HPSE2: variants seen among roughly 807,000 people sequenced by gnomAD.
The protein encoded by HPSE2 is inactive heparanase-2.
Under a neutral mutation model 60.5 loss-of-function variants are expected in HPSE2, and 38 were observed. The ratio of observed to expected loss-of-function variants is 0.63; its 90% CI spans 0.48 to 0.82. HPSE2 has a LOEUF of 0.82. Among genes scored for constraint, HPSE2 ranks in the 40% least tolerant of loss-of-function variants. The pLI, the probability that HPSE2 is intolerant of heterozygous loss-of-function variation, is 0.00. For missense variants in HPSE2, 713 were observed against 740.4 expected (o/e 0.96, Z 0.43); for synonymous variants, 295 against 293.2 (o/e 1.01, Z -0.06).
At chr10:99,310,867 G>T in the HPSE2 span, among the ~76,000 whole-genome samples, 1 of 152,122 alleles carries the variant, frequency 6.6e-6, no homozygotes, top group African/African-American at 2.4e-5. Context: ...GACCTCAAGT[G>T]ATCTGTCTGC....
At chr10:98,874,041 C>G (rs1337407481) in intron 3 of HPSE2, among the ~76,000 whole-genome samples, 2 of 152,002 alleles carry the variant, frequency 1.3e-5, no homozygotes, top group Non-Finnish European at 2.9e-5. Context: ...ATATCCTTTG[C>G]CTACTTTTTG....
At chr10:98,876,487 T>C (rs543061198) in intron 3 of HPSE2, among the ~76,000 whole-genome samples, 5 of 152,040 alleles carry the variant, frequency 3.3e-5, no homozygotes, top group African/African-American at 1.2e-4. Context: ...TCCATAAATA[T>C]TTGTTGAATG....
At chr10:99,094,500 CTCTT>C (rs1280541687) in intron 3 of HPSE2, among the ~76,000 whole-genome samples, 3 of 106,518 alleles carry the variant, frequency 2.8e-5, no homozygotes, top group African/African-American at 3.8e-5. Flanking sequence ...CAGTTATTCT[CTCTT>C]TTTTATCATT....
chr10:98,724,363 C>A (rs1469874025), intron 4 of HPSE2, among the ~76,000 whole-genome samples: 1 of 152,246 alleles, frequency 6.6e-6, no homozygotes, highest in Admixed American at 6.5e-5. Flanking sequence ...TTGACATTTG[C>A]TGAGGAGTGT....
the HPSE2 span, among the ~76,000 whole-genome samples, chr10:99,277,098 A>G: frequency 2.0e-5 from 3 of 152,212 alleles, no homozygotes; most frequent in Non-Finnish European, 4.4e-5. Context: ...GAAACTACTT[A>G]AGGCAGACAT....
chr10:98,769,172 G>A (rs1017242161), intron 3 of HPSE2, among the ~76,000 whole-genome samples: 1 of 152,178 alleles, frequency 6.6e-6, no homozygotes, highest in Admixed American at 6.6e-5. Context: ...TTGAAGAAAT[G>A]TAGGAGACCA....
intron 3 of HPSE2, among the ~76,000 whole-genome samples, chr10:98,885,443 G>A (rs992459485): frequency 6.6e-6 from 1 of 152,036 alleles, no homozygotes; most frequent in African/African-American, 2.4e-5. Flanking sequence ...TTCTACTGTG[G>A]GTAAAATGCT....
intron 3 of HPSE2, among the ~76,000 whole-genome samples, chr10:98,851,630 C>T (rs1315601328): frequency 6.6e-6 from 1 of 152,136 alleles, no homozygotes; most frequent in African/African-American, 2.4e-5. Context: ...TTGAGGGAAT[C>T]TTCCTTAAAA....
At chr10:98,634,417 A>G (rs1309005606) in intron 7 of HPSE2, among the ~76,000 whole-genome samples, 1 of 152,106 alleles carries the variant, frequency 6.6e-6, no homozygotes, top group Non-Finnish European at 1.5e-5. Context: ...ATGTGTTTTC[A>G]TTTTCCAGTT....
intron 3 of HPSE2, among the ~76,000 whole-genome samples, chr10:99,125,628 C>CA (rs1427402677): frequency 6.6e-6 from 1 of 152,164 alleles, no homozygotes; most frequent in Non-Finnish European, 1.5e-5. Flanking sequence ...CCATCACAGG[C>CA]AAAAAACTGT....
intron 7 of HPSE2, among the ~76,000 whole-genome samples, chr10:98,638,033 G>A (rs977465901): frequency 3.3e-5 from 5 of 151,054 alleles, no homozygotes; most frequent in African/African-American, 7.3e-5. Flanking sequence ...CCAGCTACCC[G>A]GGAAGCTGAG....
chr10:99,083,782 C>T (rs1843223668), intron 3 of HPSE2, among the ~76,000 whole-genome samples: 1 of 151,902 alleles, frequency 6.6e-6, no homozygotes, highest in African/African-American at 2.4e-5. Context: ...AGTTTCTTTT[C>T]CTCCAACAAA....
chr10:98,519,200 C>T (rs1014610128), intron 9 of HPSE2, among the ~76,000 whole-genome samples: 6 of 152,208 alleles, frequency 3.9e-5, no homozygotes, highest in African/African-American at 1.4e-4. Flanking sequence ...TCATCATCAT[C>T]ATCATTCATT....
intron 3 of HPSE2, among the ~76,000 whole-genome samples, chr10:98,838,181 G>C (rs1028679349): frequency 1.3e-5 from 2 of 152,054 alleles, no homozygotes; most frequent in Non-Finnish European, 2.9e-5. Context: ...TGTGACTTGT[G>C]AATCAGGCAG....
At chr10:98,863,710 C>CATAA (rs1317832346) in intron 3 of HPSE2, among the ~76,000 whole-genome samples, 6 of 152,142 alleles carry the variant, frequency 3.9e-5, no homozygotes, top group Admixed American at 3.9e-4. Flanking sequence ...CCCTAACTGT[C>CATAA]ATTTATAAGT....
intron 11 of HPSE2, among the ~76,000 whole-genome samples, chr10:98,466,455 T>C (rs1186210637): frequency 6.6e-6 from 1 of 151,670 alleles, no homozygotes; most frequent in Admixed American, 6.6e-5. Context: ...CTACTAAAAA[T>C]ACAAAAATTA....
At chr10:99,282,300 T>C in the HPSE2 span, among the ~76,000 whole-genome samples, 1 of 152,066 alleles carries the variant, frequency 6.6e-6, no homozygotes, top group African/African-American at 2.4e-5. Context: ...ATTAAGATAT[T>C]GTATGTTGAA....
intron 11 of HPSE2, among the ~76,000 whole-genome samples, chr10:98,471,234 G>T (rs1344239168): frequency 6.6e-6 from 1 of 152,162 alleles, no homozygotes; most frequent in Non-Finnish European, 1.5e-5. Context: ...GTGGGACAGT[G>T]GTTCTCAACC....
At chr10:99,251,845 T>C in the HPSE2 span, among the ~76,000 whole-genome samples, 2 of 121,208 alleles carry the variant, frequency 1.7e-5, no homozygotes, top group Non-Finnish European at 3.2e-5. Flanking sequence ...GGAAACATAG[T>C]GAGATACTCT....
Sources: gnomAD v4.1 joint callset for allele counts (sites outside exome capture counted in the v4.1 genomes callset) on GRCh38, gnomAD v4.1.1 for gene constraint, MANE v1.5 for transcripts, NCBI Gene and HGNC (gene_info 2026-07-23, HGNC 2026-07-21) for gene names.